NGF: variants seen among roughly 807,000 people sequenced by gnomAD.
NGF encodes the protein beta-nerve growth factor.
NGF carries 4 observed loss-of-function variants against 12.8 expected under a neutral mutation model. That is an observed-to-expected ratio of 0.31 (90% CI 0.15 to 0.72). The LOEUF is 0.72. NGF is among the 30% of genes least tolerant of loss of function. The pLI is 0.69. For synonymous variants in NGF, 140 were observed against 130.0 expected (o/e 1.08, Z -0.52); for missense variants, 283 against 330.8 (o/e 0.86, Z 1.12).
At chr1:115,291,837 G>T (rs988502495) in intron 2 of NGF, among the ~76,000 whole-genome samples, 1 of 152,224 alleles carries the variant, frequency 6.6e-6, no homozygotes, top group Non-Finnish European at 1.5e-5. Flanking sequence ...GCACTGGGAG[G>T]CTTGGCAACC....
At chr1:115,326,061 C>T (rs780003552) in intron 1 of NGF, among the ~76,000 whole-genome samples, 14 of 151,968 alleles carry the variant, frequency 9.2e-5, no homozygotes, top group Non-Finnish European at 1.5e-4. Flanking sequence ...AGTCGTAGAT[C>T]GTAGCTCATG....
chr1:115,299,355 G>A (rs748707701), intron 1 of NGF, among the ~76,000 whole-genome samples: 1 of 152,214 alleles, frequency 6.6e-6, no homozygotes, highest in Non-Finnish European at 1.5e-5. Flanking sequence ...GAGTCAGACA[G>A]CTGTAGGTAG....
At chr1:115,298,260 A>T (rs1405346582) in intron 1 of NGF, among the ~76,000 whole-genome samples, 3 of 152,224 alleles carry the variant, frequency 2.0e-5, no homozygotes, top group African/African-American at 7.2e-5. Flanking sequence ...ACCATTATTA[A>T]GGCCATTACC....
chr1:115,301,593 G>T (rs905644158), intron 1 of NGF, among the ~76,000 whole-genome samples: 2 of 152,100 alleles, frequency 1.3e-5, no homozygotes, highest in Admixed American at 6.5e-5. Flanking sequence ...GGAAGAAATC[G>T]CCGCTTTGTG....
At chr1:115,312,820 A>G (rs1654370055) in intron 1 of NGF, among the ~76,000 whole-genome samples, 1 of 152,214 alleles carries the variant, frequency 6.6e-6, no homozygotes, top group African/African-American at 2.4e-5. Flanking sequence ...TAAAAAGAAG[A>G]TTCCATGGTC....
intron 1 of NGF, among the ~76,000 whole-genome samples, chr1:115,306,473 T>C (rs778025001): frequency 1.3e-5 from 2 of 152,206 alleles, no homozygotes; most frequent in Non-Finnish European, 2.9e-5. Flanking sequence ...TTGTTTGTTT[T>C]AGGCAAGACA....
chr1:115,325,770 GA>G (rs1339154883), intron 1 of NGF, among the ~76,000 whole-genome samples: 3 of 152,148 alleles, frequency 2.0e-5, no homozygotes, highest in African/African-American at 7.2e-5. Flanking sequence ...TATAAGAAGT[GA>G]TTGGATTCTG....
chr1:115,326,055 G>A (rs545033838), intron 1 of NGF, among the ~76,000 whole-genome samples: 4 of 152,192 alleles, frequency 2.6e-5, no homozygotes, highest in South Asian at 4.2e-4. Context: ...TCCGGAAGTC[G>A]TAGATCGTAG....
At chr1:115,320,052 C>T (rs1258881609) in intron 1 of NGF, among the ~76,000 whole-genome samples, 2 of 152,118 alleles carry the variant, frequency 1.3e-5, no homozygotes, top group Non-Finnish European at 2.9e-5. Context: ...ATAAACAGCC[C>T]CAAGGTCCAA....
At chr1:115,308,756 A>C (rs947117846) in intron 1 of NGF, among the ~76,000 whole-genome samples, 3 of 152,204 alleles carry the variant, frequency 2.0e-5, no homozygotes, top group Admixed American at 6.5e-5. Flanking sequence ...GGAGGAAAGA[A>C]GACAAAGTGA....
chr1:115,308,154 G>A (rs1045890449), intron 1 of NGF, among the ~76,000 whole-genome samples: 6 of 152,226 alleles, frequency 3.9e-5, no homozygotes, highest in African/African-American at 1.4e-4. Flanking sequence ...GCTTTACCAG[G>A]TACCATCCAT....
intron 2 of NGF, among the ~76,000 whole-genome samples, chr1:115,291,879 G>A (rs888880514): frequency 6.6e-6 from 1 of 152,176 alleles, no homozygotes; most frequent in African/African-American, 2.4e-5. Context: ...AGAAGGGAGT[G>A]AGAGAATTCC....
At chr1:115,305,545 A>C (rs1012100577) in intron 1 of NGF, among the ~76,000 whole-genome samples, 1 of 152,216 alleles carries the variant, frequency 6.6e-6, no homozygotes, top group Non-Finnish European at 1.5e-5. Context: ...TCTATGCTTG[A>C]ACATACCTGA....
intron 1 of NGF, among the ~76,000 whole-genome samples, chr1:115,329,744 C>CTTTTTTTTTTTTTTT (rs1039991768): frequency 4.8e-4 from 50 of 103,954 alleles, no homozygotes; most frequent in Non-Finnish European, 7.2e-4. Flanking sequence ...TTCTTTCTTT[C>CTTTTTTTTTTTTTTT]TTTTTTTTTT....
At chr1:115,327,036 A>G (rs1654797057) in intron 1 of NGF, among the ~76,000 whole-genome samples, 3 of 152,232 alleles carry the variant, frequency 2.0e-5, no homozygotes, top group South Asian at 2.1e-4. Context: ...TCTAGGTATT[A>G]CTGAGCTGAA....
intron 1 of NGF, among the ~76,000 whole-genome samples, chr1:115,319,760 T>G (rs1654567888): frequency 6.6e-6 from 1 of 152,222 alleles, no homozygotes; most frequent in Admixed American, 6.5e-5. Flanking sequence ...GCCCTCGTTC[T>G]TGTGCCCCCA....
intron 1 of NGF, among the ~76,000 whole-genome samples, chr1:115,325,129 C>T (rs116392055): frequency 5.6e-4 from 86 of 152,260 alleles, no homozygotes; most frequent in African/African-American, 2.0e-3. Flanking sequence ...CGATCAGAAG[C>T]TAACCATGTG....
intron 1 of NGF, among the ~76,000 whole-genome samples, chr1:115,329,343 T>G (rs972120297): frequency 8.5e-5 from 13 of 152,214 alleles, no homozygotes; most frequent in African/African-American, 2.7e-4. Flanking sequence ...TAGTCTCACC[T>G]TACAGATGAG....
At chr1:115,324,838 T>G (rs1654730509) in intron 1 of NGF, among the ~76,000 whole-genome samples, 1 of 152,176 alleles carries the variant, frequency 6.6e-6, no homozygotes, top group South Asian at 2.1e-4. Flanking sequence ...GCTGTGTCTG[T>G]GCTATCCTTG....
Sources: gnomAD v4.1 joint callset for allele counts (sites outside exome capture counted in the v4.1 genomes callset) on GRCh38, gnomAD v4.1.1 for gene constraint, MANE v1.5 for transcripts, NCBI Gene and HGNC (gene_info 2026-07-23, HGNC 2026-07-21) for gene names.